The following CACNA2D3 variants were observed in gnomAD, a reference collection of about 807,000 sequenced individuals.
CACNA2D3 encodes the protein voltage-dependent calcium channel subunit alpha-2/delta-3.
Under a neutral mutation model 160.6 loss-of-function variants are expected in CACNA2D3, and 60 were observed. The observed-to-expected ratio is 0.37, with a 90% CI of 0.30 to 0.46. CACNA2D3 has a LOEUF of 0.46. CACNA2D3 is among the 20% of genes least tolerant of loss of function. The pLI is 1.00. For synonymous variants in CACNA2D3, 558 were observed against 492.9 expected, an observed-to-expected ratio of 1.13 and a Z score of -1.75; for missense variants, 1,205 against 1,365.0, an observed-to-expected ratio of 0.88 and a Z score of 1.85.
chr3:54,738,970 C>A (rs1363960009), intron 11 of CACNA2D3, among the ~76,000 whole-genome samples: 5 of 152,116 alleles, frequency 3.3e-5, no homozygotes, highest in African/African-American at 7.2e-5. Flanking sequence ...TATGGCAAGA[C>A]CTCATCACCA....
At chr3:54,751,503 T>TG (rs1347103803) in intron 11 of CACNA2D3, among the ~76,000 whole-genome samples, 2 of 152,162 alleles carry the variant, frequency 1.3e-5, no homozygotes, top group Admixed American at 1.3e-4. Flanking sequence ...ATGTTCCAAG[T>TG]GCATTGCTCC....
intron 4 of CACNA2D3, among the ~76,000 whole-genome samples, chr3:54,454,990 C>G (rs1488487771): frequency 6.6e-6 from 1 of 152,120 alleles, no homozygotes; most frequent in Non-Finnish European, 1.5e-5. Flanking sequence ...TCTGTTCATT[C>G]ATCTGTTGAT....
intron 4 of CACNA2D3, among the ~76,000 whole-genome samples, chr3:54,417,545 A>T (rs896581052): frequency 6.8e-5 from 9 of 132,222 alleles, no homozygotes; most frequent in Non-Finnish European, 1.4e-4. Context: ...TTGTATGCTC[A>T]TTCTTTTAGG....
intron 2 of CACNA2D3, among the ~76,000 whole-genome samples, chr3:54,199,476 C>A (rs1701138924): frequency 1.3e-5 from 2 of 152,156 alleles, no homozygotes; most frequent in African/African-American, 4.8e-5. Flanking sequence ...CGATCCCCAG[C>A]CTCCTGAGTA....
chr3:54,518,517 C>T (rs1057306204), intron 5 of CACNA2D3, among the ~76,000 whole-genome samples: 14 of 152,300 alleles, frequency 9.2e-5, no homozygotes, highest in African/African-American at 3.4e-4. Flanking sequence ...GTGACCTGGG[C>T]CAGTCATCTG....
chr3:54,490,932 C>A (rs371679125), intron 4 of CACNA2D3, among the ~76,000 whole-genome samples: 1 of 152,010 alleles, frequency 6.6e-6, no homozygotes, highest in Non-Finnish European at 1.5e-5. Flanking sequence ...TGCTGGATGC[C>A]GTGATAGGAG....
At chr3:54,844,860 TATTATTTGTTTTGTTTA>T (rs1698899701) in intron 16 of CACNA2D3, among the ~76,000 whole-genome samples, 1 of 152,252 alleles carries the variant, frequency 6.6e-6, no homozygotes, top group African/African-American at 2.4e-5. Context: ...GACTATAAAA[TATTATTTGTTTTGTTTA>T]ATTTTGAGTT....
intron 5 of CACNA2D3, among the ~76,000 whole-genome samples, chr3:54,544,806 A>T (rs549897894): frequency 4.7e-4 from 71 of 152,332 alleles, no homozygotes; most frequent in Non-Finnish European, 3.4e-4. Context: ...CTTAAAAAAA[A>T]TTTATTATAT....
At chr3:54,220,250 G>A (rs1219680781) in intron 2 of CACNA2D3, among the ~76,000 whole-genome samples, 2 of 152,064 alleles carry the variant, frequency 1.3e-5, no homozygotes, top group African/African-American at 4.8e-5. Context: ...TGGATTGCAA[G>A]CGCATTTGAG....
intron 2 of CACNA2D3, among the ~76,000 whole-genome samples, chr3:54,155,151 T>TA (rs1380370687): frequency 2.0e-5 from 3 of 152,186 alleles, no homozygotes; most frequent in Non-Finnish European, 4.4e-5. Context: ...AAAGTGGTTA[T>TA]AGTGGTCAGG....
intron 27 of CACNA2D3, among the ~76,000 whole-genome samples, chr3:54,937,821 G>A (rs7623221): frequency 1.1e-4 from 17 of 152,214 alleles, no homozygotes; most frequent in African/African-American, 3.9e-4. Flanking sequence ...CAGAAGGCGG[G>A]CATGATCACA....
intron 35 of CACNA2D3, among the ~76,000 whole-genome samples, chr3:55,054,782 G>A (rs1157510399): frequency 6.6e-6 from 1 of 151,820 alleles, no homozygotes; most frequent in Non-Finnish European, 1.5e-5. Flanking sequence ...ATTGTGGATG[G>A]TACATTGTAG....
At chr3:54,717,513 C>A (rs1349626890) in intron 11 of CACNA2D3, among the ~76,000 whole-genome samples, 1 of 150,086 alleles carries the variant, frequency 6.7e-6, no homozygotes, top group Non-Finnish European at 1.5e-5. Flanking sequence ...TCTGTGTATG[C>A]GTGTGTGTGT....
At chr3:54,776,045 A>G (rs1702419546) in intron 13 of CACNA2D3, among the ~76,000 whole-genome samples, 1 of 152,200 alleles carries the variant, frequency 6.6e-6, no homozygotes, top group Non-Finnish European at 1.5e-5. Context: ...TCCAAAAAGG[A>G]TGAAATCAGT....
chr3:54,148,045 C>T (rs1056020825), intron 2 of CACNA2D3, among the ~76,000 whole-genome samples: 5 of 152,358 alleles, frequency 3.3e-5, no homozygotes, highest in African/African-American at 1.2e-4. Context: ...GATCCGTCCG[C>T]CTTGGCGTCC....
chr3:54,252,894 C>T (rs890327737), intron 2 of CACNA2D3, among the ~76,000 whole-genome samples: 4 of 150,750 alleles, frequency 2.7e-5, no homozygotes, highest in Non-Finnish European at 4.4e-5. Flanking sequence ...AACACATAGT[C>T]CATCTTTGCT....
At chr3:54,774,481 G>A (rs1404874208) in intron 13 of CACNA2D3, among the ~76,000 whole-genome samples, 1 of 151,968 alleles carries the variant, frequency 6.6e-6, no homozygotes, top group African/African-American at 2.4e-5. Flanking sequence ...CAGCAAGGGC[G>A]GACATCTGCA....
At chr3:54,160,496 T>C (rs1187489302) in intron 2 of CACNA2D3, among the ~76,000 whole-genome samples, 1 of 151,892 alleles carries the variant, frequency 6.6e-6, no homozygotes, top group Non-Finnish European at 1.5e-5. Context: ...GGTGACTCTG[T>C]CTCAAAAAAA....
intron 11 of CACNA2D3, among the ~76,000 whole-genome samples, chr3:54,708,045 T>G (rs528281679): frequency 6.6e-6 from 1 of 152,176 alleles, no homozygotes; most frequent in Non-Finnish European, 1.5e-5. Flanking sequence ...GAACAATGAA[T>G]GAAGGTTATG....
Sources: allele counts gnomAD v4.1 joint callset (sites outside exome capture counted in the v4.1 genomes callset), GRCh38; gene constraint gnomAD v4.1.1; transcripts MANE v1.5; gene names NCBI Gene and HGNC (gene_info 2026-07-23, HGNC 2026-07-21).